Variants in ERBB4 observed in about 807,000 individuals in gnomAD.
The protein encoded by ERBB4 is receptor tyrosine-protein kinase erbB-4.
ERBB4 carries 42 observed loss-of-function variants against 158.0 expected under a neutral mutation model. The observed-to-expected ratio is 0.27, with a 90% CI of 0.21 to 0.34. ERBB4 has a LOEUF of 0.34. Among genes scored for constraint, ERBB4 ranks in the 10% least tolerant of loss-of-function variants. The probability of loss-of-function intolerance (pLI) is 1.00; values close to 1 mark genes in which losing one functional copy is unlikely to be tolerated. For synonymous variants in ERBB4, 583 were observed against 558.7 expected, an observed-to-expected ratio of 1.04 and a Z score of -0.61; for missense variants, 1,333 against 1,624.1, an observed-to-expected ratio of 0.82 and a Z score of 3.08.
At chr2:211,724,348 C>CT (rs560874073) in intron 6 of ERBB4, among the ~76,000 whole-genome samples, 3,359 of 137,672 alleles carry the variant, frequency 0.024, 68 homozygotes, top group South Asian at 0.038. Context: ...AAGTGTCTTT[C>CT]TTTTTTTTTT....
chr2:212,155,268 G>C lies in ERBB4; in HGVS notation c.83-30365C>G, dbSNP rs181631559. 6.8e-4 allele frequency among the ~76,000 whole-genome samples: 104 copies of C among 151,924 alleles called. 3 individuals carry two copies. In the East Asian group the frequency reaches 0.019, roughly 28 times the overall value. On this transcript the variant is annotated intron_variant, in intron 1 of 27. Coordinates refer to ENST00000342788, the MANE Select transcript of ERBB4 (RefSeq NM_005235.3). ...ATATTCTATGCACATTTTAAATACT[G>C]TATGTATAACATATATTTATTTAAA...
chr2:212,239,563 T>G (rs1174967252), intron 1 of ERBB4, among the ~76,000 whole-genome samples: 1 of 152,162 alleles, frequency 6.6e-6, no homozygotes, highest in African/African-American at 2.4e-5. Context: ...AGTGAGAAAT[T>G]TTTAATGTGG....
At chr2:211,818,979 AT>A (rs1358854377) in intron 3 of ERBB4, among the ~76,000 whole-genome samples, 1 of 152,042 alleles carries the variant, frequency 6.6e-6, no homozygotes, top group African/African-American at 2.4e-5. Context: ...ATTTTAAATT[AT>A]TTTTTCTTGA....
intron 4 of ERBB4, among the ~76,000 whole-genome samples, chr2:211,780,597 G>A (rs576172129): frequency 1.3e-5 from 2 of 152,318 alleles, no homozygotes; most frequent in Non-Finnish European, 2.9e-5. Context: ...CTTCTATGGT[G>A]TGGGTCAGGT....
intron 1 of ERBB4, among the ~76,000 whole-genome samples, chr2:212,344,400 T>A (rs1321194160): frequency 6.6e-6 from 1 of 152,086 alleles, no homozygotes; most frequent in African/African-American, 2.4e-5. Context: ...GGCACATAAT[T>A]GCTCCAGATT....
intron 20 of ERBB4, among the ~76,000 whole-genome samples, chr2:211,495,678 G>A (rs1002443736): frequency 1.3e-5 from 2 of 151,926 alleles, no homozygotes; most frequent in East Asian, 1.9e-4. Flanking sequence ...AGAAGACAAC[G>A]CAAATAAAGT....
chr2:211,821,602 A>G (rs2076995859), intron 3 of ERBB4, among the ~76,000 whole-genome samples: 1 of 152,018 alleles, frequency 6.6e-6, no homozygotes, highest in South Asian at 2.1e-4. Flanking sequence ...CCAGACTTCA[A>G]AATATACTAC....
chr2:211,944,627 A>G (rs926536907), intron 3 of ERBB4, among the ~76,000 whole-genome samples: 1 of 152,094 alleles, frequency 6.6e-6, no homozygotes, highest in Admixed American at 6.6e-5. Context: ...AATAAAAATT[A>G]TTTGCAGCAA....
At chr2:211,658,439 C>T (rs768283748) in intron 15 of ERBB4, among the ~76,000 whole-genome samples, 1 of 152,012 alleles carries the variant, frequency 6.6e-6, no homozygotes, top group African/African-American at 2.4e-5. Flanking sequence ...ACCTGATGCT[C>T]AATGCTCATT....
chr2:211,599,987 G>T (rs1175363009), intron 19 of ERBB4, among the ~76,000 whole-genome samples: 1 of 152,074 alleles, frequency 6.6e-6, no homozygotes, highest in Non-Finnish European at 1.5e-5. Flanking sequence ...AGGATGACAA[G>T]ATCATTTGCT....
intron 3 of ERBB4, among the ~76,000 whole-genome samples, chr2:211,831,777 C>T (rs1173234777): frequency 1.3e-5 from 2 of 152,018 alleles, no homozygotes; most frequent in African/African-American, 4.8e-5. Flanking sequence ...GCAGCAGGTG[C>T]ATATAATCCC....
intron 1 of ERBB4, among the ~76,000 whole-genome samples, chr2:212,418,660 C>T (rs1167077112): frequency 6.6e-6 from 1 of 151,460 alleles, no homozygotes; most frequent in African/African-American, 2.4e-5. Flanking sequence ...TTTGAAAATG[C>T]TAATTTACTA....
At chr2:211,701,875 C>T (rs1575012717) in intron 12 of ERBB4, 92 bp downstream of exon 12, 1 of 908,554 alleles carries the variant, frequency 1.1e-6, no homozygotes, top group Admixed American at 1.8e-5. Context: ...AGCAACAATT[C>T]TGACCGGATG....
At chr2:212,481,794 T>C (rs374853800) in intron 1 of ERBB4, among the ~76,000 whole-genome samples, 41 of 152,212 alleles carry the variant, frequency 2.7e-4, no homozygotes, top group African/African-American at 9.4e-4. Flanking sequence ...CTGCAAACCG[T>C]TGCAGAGCTG....
At chr2:212,032,761 C>T (rs997713951) in intron 2 of ERBB4, among the ~76,000 whole-genome samples, 1 of 151,820 alleles carries the variant, frequency 6.6e-6, no homozygotes, top group Non-Finnish European at 1.5e-5. Flanking sequence ...TATGGACATG[C>T]TTCTTGATAA....
chr2:211,440,410 C>G (rs897115011), intron 20 of ERBB4, among the ~76,000 whole-genome samples: 2 of 152,140 alleles, frequency 1.3e-5, no homozygotes, highest in Non-Finnish European at 2.9e-5. Flanking sequence ...CCTATTAATA[C>G]AGCAACCTCT....
chr2:211,977,176 A>G (rs1257226335), intron 2 of ERBB4, among the ~76,000 whole-genome samples: 1 of 152,194 alleles, frequency 6.6e-6, no homozygotes, highest in African/African-American at 2.4e-5. Context: ...TGCCTGACAC[A>G]GGAGGCAACT....
Position 211,383,530 on chromosome 2 carries a change from G to T in ERBB4, c.*85C>A. The T allele has an allele frequency of 1.8e-6, 2 of 1,129,644 alleles. No homozygotes were observed. The highest frequency in any genetic ancestry group is 2.7e-6 in the Non-Finnish European group (2 of 746,054). 70.0% of individuals were successfully genotyped at this position (1,129,644 alleles called of 1,614,324 possible). A position where few individuals can be genotyped will look rare whatever the true frequency, so the allele number is the denominator to read the frequency against. On this transcript the variant is annotated 3_prime_UTR_variant, in exon 28 of 28. Coordinates refer to ENST00000342788, the MANE Select transcript of ERBB4 (RefSeq NM_005235.3). ...AAGTGTCAAAACTACTGGCCTTGGG[G>T]TAGAAGGAAGACCACCAGAGAAAGA...
intron 1 of ERBB4, chr2:212,125,149 A>T: frequency 2.0e-6 from 1 of 493,946 alleles, no homozygotes; most frequent in Non-Finnish European, 3.7e-6. Context: ...TATAGCAAGG[A>T]GATAAACTTA....
Sources: allele counts gnomAD v4.1 joint callset (sites outside exome capture counted in the v4.1 genomes callset), GRCh38; gene constraint gnomAD v4.1.1; transcripts MANE v1.5; gene names NCBI Gene and HGNC (gene_info 2026-07-23, HGNC 2026-07-21).